The following CNTNAP4 variants were observed in gnomAD, a reference collection of about 807,000 sequenced individuals.
CNTNAP4 encodes the protein contactin associated protein family member 4.
A neutral mutation model predicts 148.4 loss-of-function variants in CNTNAP4; 98 were observed. The ratio of observed to expected loss-of-function variants is 0.66; its 90% confidence interval spans 0.56 to 0.78. The LOEUF (loss-of-function observed/expected upper bound fraction) is 0.78. Ranked by LOEUF, CNTNAP4 falls within the 30% of genes least tolerant of loss-of-function variation. The probability of loss-of-function intolerance (pLI) is 0.00; values close to 1 mark genes in which losing one functional copy is unlikely to be tolerated. For synonymous variants in CNTNAP4, 730 were observed against 565.1 expected, an observed-to-expected ratio of 1.29 and a Z score of -4.14; for missense variants, 1,935 against 1,565.6, an observed-to-expected ratio of 1.24 and a Z score of -3.98.
chr16:76,374,089 A>T (rs192046809), intron 3 of CNTNAP4, among the ~76,000 whole-genome samples: 1 of 152,282 alleles, frequency 6.6e-6, no homozygotes, highest in East Asian at 1.9e-4. Context: ...GCTTCATGTT[A>T]ATTTCTCATA....
intron 15 of CNTNAP4, among the ~76,000 whole-genome samples, chr16:76,503,770 C>T (rs1231875774): frequency 1.3e-5 from 2 of 149,864 alleles, no homozygotes; most frequent in Non-Finnish European, 3.0e-5. Context: ...TGAGTGAGAA[C>T]ATGTGATGTT....
chr16:76,419,920 C>T (rs1160895158), intron 3 of CNTNAP4, among the ~76,000 whole-genome samples: 1 of 151,942 alleles, frequency 6.6e-6, no homozygotes, highest in African/African-American at 2.4e-5. Flanking sequence ...TCATGAAGGC[C>T]CCACCTCATG....
intron 10 of CNTNAP4, among the ~76,000 whole-genome samples, 168 bp from the exon 11 acceptor site, chr16:76,475,771 T>G (rs1030440305): frequency 6.6e-6 from 1 of 152,230 alleles, no homozygotes; most frequent in African/African-American, 2.4e-5. Flanking sequence ...GATGAATTTA[T>G]TGATCTAAGG....
At chr16:76,279,886 A>T (rs1958621664) in intron 1 of CNTNAP4, among the ~76,000 whole-genome samples, 1 of 152,168 alleles carries the variant, frequency 6.6e-6, no homozygotes, top group African/African-American at 2.4e-5. Flanking sequence ...AGTAAGGTCT[A>T]CTTGTACCAA....
chr16:76,372,313 T>C (rs987036756), intron 3 of CNTNAP4, among the ~76,000 whole-genome samples: 1 of 151,180 alleles, frequency 6.6e-6, no homozygotes, highest in Non-Finnish European at 1.5e-5. Context: ...CTAATTTTTT[T>C]TTTTTTTTGT....
intron 17 of CNTNAP4, among the ~76,000 whole-genome samples, chr16:76,524,601 A>G (rs1469665642): frequency 6.6e-6 from 1 of 152,176 alleles, no homozygotes; most frequent in African/African-American, 2.4e-5. Context: ...ATGAAGCACT[A>G]GTATGTCATC....
At chr16:76,297,063 A>G (rs765330490) in intron 1 of CNTNAP4, among the ~76,000 whole-genome samples, 2 of 152,200 alleles carry the variant, frequency 1.3e-5, no homozygotes, top group Non-Finnish European at 2.9e-5. Flanking sequence ...CTTATAACTG[A>G]ACTCAAAAGA....
At chr16:76,458,473 T>G (rs973537434) in intron 8 of CNTNAP4, among the ~76,000 whole-genome samples, 2 of 151,744 alleles carry the variant, frequency 1.3e-5, no homozygotes, top group African/African-American at 4.8e-5. Context: ...TCAGTGGGAG[T>G]CTTGAGCTTG....
chr16:76,478,339 A>T (rs2081669348), intron 11 of CNTNAP4, among the ~76,000 whole-genome samples: 1 of 152,224 alleles, frequency 6.6e-6, no homozygotes, highest in Non-Finnish European at 1.5e-5. Flanking sequence ...TCAGTGCACA[A>T]AATGCAAATG....
In CNTNAP4 at chr16:76,558,563, G is replaced by C; in HGVS notation, c.3807G>C (p.Arg1269Ser). ...AIAVRIYQQK[R>S]LYKRSEAKRS... ...CTGTTCGCATTTATCAGCAGAAAAG[G>C]TTATATAAAAGAAGTGAGGCAAAAA... is the stretch of plus-strand genomic sequence containing the variant. Residue 1269 changes from arginine to serine, a missense_variant, in exon 24 of 24, where the codon AGG becomes AGC. By Grantham distance (110) the Arg-to-Ser change is moderately radical. Transcript: ENST00000611870. 1 of 1,612,586 alleles carries C rather than the reference G, an allele frequency of 6.2e-7. No individual in the cohort carries two copies.
chr16:76,526,917 A>T (rs1597067675), intron 17 of CNTNAP4, among the ~76,000 whole-genome samples: 1 of 151,626 alleles, frequency 6.6e-6, no homozygotes, highest in Admixed American at 6.6e-5. Flanking sequence ...CAAGGGCTCC[A>T]CCCCCCTCAG....
chr16:76,391,171 A>T (rs914367307), intron 3 of CNTNAP4, among the ~76,000 whole-genome samples: 1 of 152,122 alleles, frequency 6.6e-6, no homozygotes, highest in Non-Finnish European at 1.5e-5. Context: ...CCAATCTTTT[A>T]TCTATTGATG....
intron 21 of CNTNAP4, among the ~76,000 whole-genome samples, chr16:76,548,483 TGTC>T (rs1377538109): frequency 2.6e-5 from 4 of 152,020 alleles, no homozygotes; most frequent in Admixed American, 1.3e-4. Context: ...TTACATGTAT[TGTC>T]GTATCTTTCA....
chr16:76,473,743 C>A (rs761802068), intron 10 of CNTNAP4, among the ~76,000 whole-genome samples: 9 of 152,096 alleles, frequency 5.9e-5, no homozygotes, highest in Admixed American at 5.2e-4. Flanking sequence ...CACTGCACTA[C>A]AGCCTGGGCA....
intron 1 of CNTNAP4, among the ~76,000 whole-genome samples, chr16:76,286,539 T>C (rs527725057): frequency 2.6e-5 from 4 of 152,124 alleles, no homozygotes; most frequent in Admixed American, 6.6e-5. Context: ...TAACTCAACT[T>C]CTTCTCCCAC....
intron 3 of CNTNAP4, among the ~76,000 whole-genome samples, chr16:76,411,471 A>G (rs1422283689): frequency 6.6e-6 from 1 of 151,288 alleles, no homozygotes; most frequent in Non-Finnish European, 1.5e-5. Flanking sequence ...AGTGATTTTG[A>G]TGGTAATGGT....
chr16:76,549,794 T>G (rs1460010072), intron 21 of CNTNAP4, among the ~76,000 whole-genome samples: 1 of 151,790 alleles, frequency 6.6e-6, no homozygotes, highest in East Asian at 1.9e-4. Flanking sequence ...ATAATAGAAA[T>G]CAGGATGGAA....
intron 1 of CNTNAP4, among the ~76,000 whole-genome samples, chr16:76,303,074 G>C (rs559757127): frequency 7.2e-5 from 11 of 152,298 alleles, no homozygotes; most frequent in African/African-American, 2.4e-4. Context: ...GAACCTCTGA[G>C]ACCAGCCAAA....
chr16:76,547,768 C>T (rs1041290035), intron 21 of CNTNAP4, among the ~76,000 whole-genome samples: 3 of 152,148 alleles, frequency 2.0e-5, no homozygotes, highest in African/African-American at 7.2e-5. Flanking sequence ...GCTCAGGAAG[C>T]ACACCTCAGG....
Sources: gnomAD v4.1 joint callset for allele counts (sites outside exome capture counted in the v4.1 genomes callset) on GRCh38, gnomAD v4.1.1 for gene constraint, MANE v1.5 for transcripts, NCBI Gene and HGNC (gene_info 2026-07-23, HGNC 2026-07-21) for gene names.